The following TTF2 variants were observed in gnomAD, a reference collection of about 807,000 sequenced individuals.
TTF2 encodes the protein RNA polymerase II termination factor.
A neutral mutation model predicts 142.4 loss-of-function variants in TTF2; 108 were observed. The ratio of observed to expected loss-of-function variants is 0.76; its 90% CI spans 0.65 to 0.89. TTF2 has a LOEUF of 0.89. Among genes scored for constraint, TTF2 ranks in the 40% least tolerant of loss-of-function variants. The pLI is 0.00. For synonymous variants in TTF2, 483 were observed against 506.2 expected, an observed-to-expected ratio of 0.95 and a Z score of 0.61; for missense variants, 1,327 against 1,379.8, an observed-to-expected ratio of 0.96 and a Z score of 0.61.
Position 117,076,310 on chromosome 1 carries a change from C to A in TTF2, c.1390+16C>A. 6.3e-7 allele frequency: 1 copy of A among 1,596,836 alleles called. No individual in the cohort carries two copies. Among genetic ancestry groups the A allele is most frequent in the Non-Finnish European group, 8.6e-7 (1 of 1,166,742 alleles). On this transcript the variant is annotated intron_variant, in intron 6 of 22. Coordinates refer to ENST00000369466, the MANE Select transcript of TTF2 (RefSeq NM_003594.4). This position sits in a 1 kb window ranked among gnomAD's most constrained non-coding sequence, Gnocchi z 4.6. ...CCAGAGCAAGGTAAAGTGGCTTATG[C>A]CTCAGAACTCCGGGTTTGCATCGAC...
At chr1:117,077,726 TG>T (rs76347352) in intron 7 of TTF2, among the ~76,000 whole-genome samples, 189 bp from the exon 8 acceptor site, 13,095 of 152,144 alleles carry the variant, frequency 0.086, 945 homozygotes, top group African/African-American at 0.19. Context: ...TTGGGTTGGC[TG>T]GCAGTGACCA....
Position 117,092,699 on chromosome 1 carries a change from C to G in TTF2, c.2806-32C>G. On this transcript the variant is annotated intron_variant, in intron 17 of 22. Transcript: ENST00000369466. This position sits in a 1 kb window ranked among gnomAD's most constrained non-coding sequence, Gnocchi z 4.4. ...GTAACAAGGTTTGCTCCCTTGACTC[C>G]CAGCTGCTCCTGTCCTTTTTTGTCT... 1 of 1,595,212 alleles carries G rather than the reference C, an allele frequency of 6.3e-7. No homozygotes were observed. Among genetic ancestry groups the G allele is most frequent in the Non-Finnish European group, 8.5e-7 (1 of 1,170,180 alleles).
rs774811349 is a variant in TTF2 at position 117,090,173 on chromosome 1, A to G, written c.2461A>G (p.Thr821Ala). Residue 821 changes from threonine (T) to alanine (A), a missense_variant, in exon 14 of 23, where the codon ACA (threonine) becomes GCA (alanine). Transcript: ENST00000369466. The surrounding 1 kb of genome is among the most constrained non-coding windows in gnomAD (Gnocchi z 4.8). Reference sequence around the variant, plus strand: ...AACCAAGAGCCTTTTGCTGAGGAGAACAAAAGACCAGCTGGACTCTACTGG... The same window carrying G: ...AACCAAGAGCCTTTTGCTGAGGAGAGCAAAAGACCAGCTGGACTCTACTGG... ...ILTKSLLLRRTKDQLDSTGRP... is the reference protein window; with the variant it reads ...ILTKSLLLRRAKDQLDSTGRP... 3.1e-6 allele frequency: 5 copies of G among 1,614,146 alleles called. No individual in the cohort carries two copies. The South Asian group carries it at 5.5e-5, about 18-fold the overall frequency.
At position 117,060,383 on chromosome 1, in the gene TTF2, C is replaced by T; in HGVS notation, c.28+9C>T. 1.2e-6 allele frequency: 2 copies of T among 1,608,326 alleles called. No individual in the cohort carries two copies. The highest frequency in any genetic ancestry group is 1.7e-6 in the Non-Finnish European group (2 of 1,176,492). On this transcript the variant is annotated intron_variant, in intron 1 of 22. Transcript: ENST00000369466. The stretch of plus-strand genomic sequence containing the variant: ...TAGGTGTCCAGAGCACGGTAAGGGG[C>T]TAGGGTCTCAGCGTCCCGGGGCCTG...
intron 7 of TTF2, 128 bp from the exon 8 acceptor site, chr1:117,077,788 A>G (rs1657134956): frequency 7.8e-7 from 1 of 1,288,410 alleles, no homozygotes; most frequent in Non-Finnish European, 1.1e-6. Context: ...GAGACATGGA[A>G]AGTTGAGGAG....
In TTF2 at chr1:117,066,804, G is replaced by A. The variant is rs1656175100; in HGVS notation, c.218+4331G>A. On this transcript the variant is annotated intron_variant, in intron 3 of 22. Coordinates refer to ENST00000369466, the MANE Select transcript of TTF2 (RefSeq NM_003594.4). Reference sequence around the variant, plus strand: ...TGCGACCTCTGCCTCCCAGGTTCAGGTGATTCTCGTGTCTCAGCCTCCCGA... The same window carrying A: ...TGCGACCTCTGCCTCCCAGGTTCAGATGATTCTCGTGTCTCAGCCTCCCGA... 1.3e-5 allele frequency among the ~76,000 whole-genome samples: 2 copies of A among 151,178 alleles called. 1 individual carries two copies. The highest frequency in any genetic ancestry group is 4.2e-4 in the South Asian group (2 of 4,784).
rs1657044666 is a variant in TTF2, at chr1:117,076,800, G to A, written c.1550G>A (p.Gly517Glu). ...AAGTCTGCCTGCCAGGTGACTGCTG[G>A]AGGATCCAGTCAGTGCTATCGAGGT... is the stretch of plus-strand genomic sequence containing the variant. ...ELKSACQVTA[G>E]GSSQCYRGHT... is the part of the protein sequence containing the mutation. Residue 517 changes from glycine (G) to glutamate (E), a missense_variant, in exon 7 of 23, where the codon GGA becomes GAA. Transcript: ENST00000369466. The surrounding 1 kb of genome is among the most constrained non-coding windows in gnomAD (Gnocchi z 4.6). 2.5e-6 allele frequency: 4 copies of A among 1,613,660 alleles called. No homozygotes were observed. The highest frequency in any genetic ancestry group is 3.4e-6 in the Non-Finnish European group (4 of 1,179,780).
rs1648786626 is a variant in TTF2, at chr1:117,093,449, G to A, written c.2976+548G>A. Among the ~76,000 whole-genome samples the A allele has an allele frequency of 6.6e-6, 1 of 152,162 alleles. No individual in the cohort carries two copies. The highest frequency in any genetic ancestry group is 2.4e-5 in the African/African-American group (1 of 41,434). Reference sequence around the variant, plus strand: ...ATATGCCGTAACCTGAATCCTGCCTGTCTGCTGGCTCGGAATGTGCTTCAT... The same window carrying A: ...ATATGCCGTAACCTGAATCCTGCCTATCTGCTGGCTCGGAATGTGCTTCAT... On this transcript the variant is annotated intron_variant, in intron 18 of 22. Transcript: ENST00000369466. The surrounding 1 kb of genome is among the most constrained non-coding windows in gnomAD (Gnocchi z 4.5).
At chr1:117,068,570 CCT>C (rs546656723) in intron 3 of TTF2, among the ~76,000 whole-genome samples, 16 of 151,900 alleles carry the variant, frequency 1.1e-4, no homozygotes, top group Admixed American at 2.6e-4. Context: ...AAAATATTCA[CCT>C]CCAAAAAAAA....
At position 117,084,239 on chromosome 1, in the gene TTF2, C is replaced by T; in HGVS notation, c.2054+71C>T. On this transcript the variant is annotated intron_variant, in intron 11 of 22. Transcript: ENST00000369466. ...CCAAGGGCCCACGGGCCTTTGCTCC[C>T]ATCCCTGAGATTTCACTTAATCAGG... 8.9e-6 allele frequency: 14 copies of T among 1,576,336 alleles called. No homozygotes were observed. In the South Asian group the frequency reaches 1.1e-4, roughly 13 times the overall value.
Position 117,091,949 on chromosome 1 carries a change from C to G in TTF2, c.2804C>G (p.Ser935Trp). The change falls in exon 17 of 23, where the codon TCG becomes TGG. Residue 935 changes from serine to tryptophan, a missense_variant and splice_region_variant. By Grantham distance (177) the Ser-to-Trp change is radical (BLOSUM62 -3). Coordinates refer to ENST00000369466, the MANE Select transcript of TTF2 (RefSeq NM_003594.4). ...TGCTGTCATCTTTCTTTACTGAAGTCGGTAAGAAAAGCCCTCAGCCTGCTG... is the reference window on the plus strand; with the variant it reads ...TGCTGTCATCTTTCTTTACTGAAGTGGGTAAGAAAAGCCCTCAGCCTGCTG... ...QCCCHLSLLK[S>W]ALDPMELKGE... The G allele has an allele frequency of 6.2e-7, 1 of 1,610,870 alleles. No individual in the cohort carries two copies. Among genetic ancestry groups the G allele is most frequent in the Non-Finnish European group, 8.5e-7 (1 of 1,178,960 alleles).
Position 117,097,300 on chromosome 1 carries a change from G to T in TTF2, c.3187-51G>T. The T allele has an allele frequency of 6.6e-7, 1 of 1,524,868 alleles. No homozygotes were observed. The highest frequency in any genetic ancestry group is 9.1e-7 in the Non-Finnish European group (1 of 1,098,724). The allele number at this position is 1,524,868 out of a possible 1,614,324, so 94.5% of individuals were successfully genotyped here. On this transcript the variant is annotated intron_variant, in intron 20 of 22. Coordinates refer to ENST00000369466, the MANE Select transcript of TTF2 (RefSeq NM_003594.4). This position sits in a 1 kb window ranked among gnomAD's most constrained non-coding sequence, Gnocchi z 4.1. Reference sequence around the variant, plus strand: ...GTGGACTTAAACCTGAGACCGAGATGTGTTACGAGACCAAGTCTGTTTAAA... The same window carrying T: ...GTGGACTTAAACCTGAGACCGAGATTTGTTACGAGACCAAGTCTGTTTAAA...
rs1413798619 is a variant in TTF2 at position 117,097,375 on chromosome 1, G to A, written c.3211G>A (p.Gly1071Arg). The A allele has an allele frequency of 1.9e-6, 3 of 1,613,986 alleles. No homozygotes were observed. Among genetic ancestry groups the A allele is most frequent in the Non-Finnish European group, 2.5e-6 (3 of 1,180,012 alleles). ...PQVMLISLLA[G>R]GVGLNLTGGN... ...GGTAATGCTAATCTCTCTCTTGGCC[G>A]GAGGTGTTGGTCTAAACCTGACTGG... Residue 1071 changes from glycine (G) to arginine (R), a missense_variant, in exon 21 of 23, where the codon GGA becomes AGA. Physicochemically the swap from Gly to Arg is moderately radical, Grantham distance 125. Transcript: ENST00000369466. The surrounding 1 kb of genome is among the most constrained non-coding windows in gnomAD (Gnocchi z 4.1).
chr1:117,090,589 G>A lies in TTF2; in HGVS notation c.2554G>A (p.Glu852Lys). 6.2e-7 allele frequency: 1 copy of A among 1,614,070 alleles called. No homozygotes were observed. The highest frequency in any genetic ancestry group is 1.1e-5 in the South Asian group (1 of 91,060). The change falls in exon 15 of 23, where the codon GAG becomes AAG. Residue 852 changes from glutamate to lysine, a missense_variant. Physicochemically the swap from Glu to Lys is moderately conservative, Grantham distance 56. Coordinates refer to ENST00000369466, the MANE Select transcript of TTF2 (RefSeq NM_003594.4). This position sits in a 1 kb window ranked among gnomAD's most constrained non-coding sequence, Gnocchi z 4.8. The part of the protein sequence containing the change: ...LHHLKLSEDE[E>K]TVYNVFFARS... The stretch of plus-strand genomic sequence containing the variant: ...CCATTTAAAGCTTTCTGAAGATGAA[G>A]AGACTGTTTACAATGTGTTTTTTGC...
At position 117,092,816 on chromosome 1, in the gene TTF2, G is replaced by C; in HGVS notation, c.2891G>C (p.Arg964Pro). 6.2e-7 allele frequency: 1 copy of C among 1,614,122 alleles called. No individual in the cohort carries two copies. Among genetic ancestry groups the C allele is most frequent in the Non-Finnish European group, 8.5e-7 (1 of 1,180,032 alleles). Residue 964 changes from arginine (R) to proline (P), a missense_variant, in exon 18 of 23, where the codon CGT becomes CCT. Physicochemically the swap from Arg to Pro is moderately radical, Grantham distance 103. Coordinates refer to ENST00000369466, the MANE Select transcript of TTF2 (RefSeq NM_003594.4). This position sits in a 1 kb window ranked among gnomAD's most constrained non-coding sequence, Gnocchi z 4.4. ...AGTGCTTTGACCTTGTCAGAACTCC[G>C]TGACTCAGAGCCATCTTCCACTGTT... is the stretch of plus-strand genomic sequence containing the variant. ...QLSALTLSEL[R>P]DSEPSSTVSL...
Position 117,086,564 on chromosome 1 carries a change from A to G in TTF2, c.2160+42A>G. The G allele has an allele frequency of 6.8e-7, 1 of 1,472,328 alleles. No individual in the cohort carries two copies. 91.2% of individuals were successfully genotyped at this position (1,472,328 alleles called of 1,614,324 possible). On this transcript the variant is annotated intron_variant, in intron 12 of 22. Coordinates refer to ENST00000369466, the MANE Select transcript of TTF2 (RefSeq NM_003594.4). This position sits in a 1 kb window ranked among gnomAD's most constrained non-coding sequence, Gnocchi z 4.2. ...GCCAGGGAAGTGGAGTTGGAGCCACAGATGGTTTAATGGGAGTCTTTCTCA... is the reference window on the plus strand; with the variant it reads ...GCCAGGGAAGTGGAGTTGGAGCCACGGATGGTTTAATGGGAGTCTTTCTCA...
At chr1:117,089,488 A>G (rs920382371) in intron 13 of TTF2, among the ~76,000 whole-genome samples, 2 of 152,014 alleles carry the variant, frequency 1.3e-5, no homozygotes, top group Non-Finnish European at 2.9e-5. Flanking sequence ...CAGGAGTTCA[A>G]GATTAGCCAG....
At position 117,076,461 on chromosome 1, in the gene TTF2, T is replaced by C. The variant is rs1657014647; in HGVS notation, c.1390+167T>C. 3.2e-6 allele frequency: 3 copies of C among 933,048 alleles called. No homozygotes were observed. The highest frequency in any genetic ancestry group is 4.8e-6 in the Non-Finnish European group (3 of 628,654). The allele number at this position is 933,048 out of a possible 1,614,324, so 57.8% of individuals were successfully genotyped here. On this transcript the variant is annotated intron_variant, in intron 6 of 22. Coordinates refer to ENST00000369466, the MANE Select transcript of TTF2 (RefSeq NM_003594.4). The surrounding 1 kb of genome is among the most constrained non-coding windows in gnomAD (Gnocchi z 4.6). Reference sequence around the variant, plus strand: ...CTATGGTTCATAAAAAACTTTCTCCTGTTTCCTGTGGACTCTACTTTCTTC... The same window carrying C: ...CTATGGTTCATAAAAAACTTTCTCCCGTTTCCTGTGGACTCTACTTTCTTC...
Position 117,088,851 on chromosome 1 carries a change from T to A in TTF2, c.2211T>A (p.Asp737Glu). 1.2e-6 allele frequency: 2 copies of A among 1,614,202 alleles called. No homozygotes were observed. The highest frequency in any genetic ancestry group is 1.7e-6 in the Non-Finnish European group (2 of 1,180,022). ...LRIAWARIILDEAHNVKNPRV... is the reference protein window; with the variant it reads ...LRIAWARIILEEAHNVKNPRV... ...TAGCCTGGGCTCGAATCATATTGGA[T>A]GAAGCTCACAATGTTAAGAATCCCC... Residue 737 changes from aspartate to glutamate, a missense_variant, in exon 13 of 23, where the codon GAT (aspartate) becomes GAA (glutamate). Asp to Glu is a conservative substitution (Grantham distance 45). Transcript: ENST00000369466.
Sources: allele counts gnomAD v4.1 joint callset (sites outside exome capture counted in the v4.1 genomes callset), GRCh38; gene constraint gnomAD v4.1.1; non-coding constraint Gnocchi (gnomAD v3.1); transcripts MANE v1.5; gene names NCBI Gene and HGNC (gene_info 2026-07-23, HGNC 2026-07-21).